Variants in CNTNAP2 observed in about 807,000 individuals in gnomAD.
The protein encoded by CNTNAP2 is contactin associated protein 2, also known as contactin-associated protein-like 2.
Under a neutral mutation model 155.2 loss-of-function variants are expected in CNTNAP2, and 98 were observed. That is an observed-to-expected ratio of 0.63 (90% CI 0.54 to 0.75). CNTNAP2 has a LOEUF of 0.75. CNTNAP2 is among the 30% of genes least tolerant of loss of function. CNTNAP2 has a pLI of 0.00. For missense variants in CNTNAP2, 1,727 were observed against 1,688.1 expected, an observed-to-expected ratio of 1.02 and a Z score of -0.40; for synonymous variants, 651 against 631.2, an observed-to-expected ratio of 1.03 and a Z score of -0.47.
chr7:147,924,392 G>C (rs1800346310), intron 14 of CNTNAP2, among the ~76,000 whole-genome samples: 1 of 152,020 alleles, frequency 6.6e-6, no homozygotes, highest in African/African-American at 2.4e-5. Context: ...GCCTGCCTTG[G>C]CTTCCCAAAA....
chr7:146,913,277 A>G (rs1796326747), intron 3 of CNTNAP2, among the ~76,000 whole-genome samples: 2 of 152,142 alleles, frequency 1.3e-5, no homozygotes, highest in African/African-American at 4.8e-5. Context: ...GAATATGGAA[A>G]GAGGATGAGG....
At chr7:146,759,770 G>A (rs1802059727) in intron 1 of CNTNAP2, among the ~76,000 whole-genome samples, 1 of 151,152 alleles carries the variant, frequency 6.6e-6, no homozygotes, top group Non-Finnish European at 1.5e-5. Context: ...TAAATGGATG[G>A]GCATTAGTGC....
chr7:146,492,824 G>A (rs1005254670), intron 1 of CNTNAP2, among the ~76,000 whole-genome samples: 5 of 152,152 alleles, frequency 3.3e-5, no homozygotes, highest in African/African-American at 1.2e-4. Flanking sequence ...TTTTCCTTTT[G>A]TGGCAAAAGC....
chr7:147,367,468 CA>C (rs1259985473), intron 9 of CNTNAP2, among the ~76,000 whole-genome samples: 3 of 151,784 alleles, frequency 2.0e-5, no homozygotes, highest in African/African-American at 7.3e-5. Context: ...ATTGATTCTG[CA>C]AAAGAGAACT....
At chr7:146,712,132 C>G (rs1160525029) in intron 1 of CNTNAP2, among the ~76,000 whole-genome samples, 9 of 119,336 alleles carry the variant, frequency 7.5e-5, no homozygotes, top group Admixed American at 3.3e-4. Flanking sequence ...GTATACATAT[C>G]TTATGTATAC....
chr7:148,025,901 C>A (rs185564329), intron 15 of CNTNAP2, among the ~76,000 whole-genome samples: 1 of 152,114 alleles, frequency 6.6e-6, no homozygotes, highest in African/African-American at 2.4e-5. Context: ...TATTAAGATG[C>A]ATATGTGGCT....
At position 146,958,801 on chromosome 7, in the gene CNTNAP2, G is replaced by A. The variant is rs117991888; in HGVS notation, c.403-85106G>A. Among the ~76,000 whole-genome samples the A allele has an allele frequency of 1.9e-3, 296 of 151,884 alleles. 6 individuals are homozygous for A. The East Asian group carries it at 0.028, about 14-fold the overall frequency. On this transcript the variant is annotated intron_variant, in intron 3 of 23. Coordinates refer to ENST00000361727, the MANE Select transcript of CNTNAP2 (RefSeq NM_014141.6). ...ATATATTGTTGCCTGGCACATAGTA[G>A]GCATCCAATTAAAATTAATTGAATG...
intron 13 of CNTNAP2, among the ~76,000 whole-genome samples, chr7:147,688,159 T>A (rs575877038): frequency 6.6e-6 from 1 of 152,240 alleles, no homozygotes; most frequent in Admixed American, 6.5e-5. Flanking sequence ...TTAAAAAATA[T>A]ATCTTCTTAC....
At chr7:148,209,472 C>G (rs1795507110) in intron 18 of CNTNAP2, among the ~76,000 whole-genome samples, 1 of 152,038 alleles carries the variant, frequency 6.6e-6, no homozygotes. Context: ...CCCAACCCCA[C>G]CAAGATTGCC....
chr7:147,145,927 C>T (rs890977601), intron 8 of CNTNAP2, among the ~76,000 whole-genome samples: 1 of 152,144 alleles, frequency 6.6e-6, no homozygotes, highest in African/African-American at 2.4e-5. Flanking sequence ...TTGTTTTCTA[C>T]AGATGTCAAG....
At chr7:147,013,008 G>C (rs1016912075) in intron 3 of CNTNAP2, among the ~76,000 whole-genome samples, 10 of 151,980 alleles carry the variant, frequency 6.6e-5, no homozygotes, top group African/African-American at 9.7e-5. Flanking sequence ...ATTTACCAAA[G>C]TTCTTTTAAA....
At chr7:147,717,021 T>C (rs1796489966) in intron 13 of CNTNAP2, among the ~76,000 whole-genome samples, 1 of 152,130 alleles carries the variant, frequency 6.6e-6, no homozygotes, top group African/African-American at 2.4e-5. Flanking sequence ...AACAATCTTC[T>C]TGGTATGTTT....
At chr7:147,801,333 T>TTTTTA (rs1797981200) in intron 13 of CNTNAP2, among the ~76,000 whole-genome samples, 3 of 140,052 alleles carry the variant, frequency 2.1e-5, no homozygotes, top group African/African-American at 8.5e-5. Flanking sequence ...TTTAATTTTT[T>TTTTTA]TTTTTTTTTA....
chr7:146,861,756 A>G (rs1463060490), intron 3 of CNTNAP2, among the ~76,000 whole-genome samples: 2 of 152,182 alleles, frequency 1.3e-5, no homozygotes, highest in Admixed American at 1.3e-4. Context: ...ACATCGCTTC[A>G]TCTGACTACA....
chr7:147,634,793 A>G (rs74878031), intron 12 of CNTNAP2, among the ~76,000 whole-genome samples: 3,890 of 152,224 alleles, frequency 0.026, 254 homozygotes, highest in Admixed American at 0.15. Flanking sequence ...AAATCCTCCA[A>G]TGCCAACAGT....
intron 4 of CNTNAP2, among the ~76,000 whole-genome samples, chr7:147,087,930 T>C (rs890166361): frequency 1.3e-5 from 2 of 152,146 alleles, no homozygotes; most frequent in Non-Finnish European, 2.9e-5. Flanking sequence ...TAGGCCGAGA[T>C]TGTGCCACTG....
chr7:146,756,205 GT>G, intron 1 of CNTNAP2, among the ~76,000 whole-genome samples: 1 of 151,832 alleles, frequency 6.6e-6, no homozygotes, highest in Non-Finnish European at 1.5e-5. Context: ...AGTGTCTCTT[GT>G]TTTAACTAAG....
intron 3 of CNTNAP2, among the ~76,000 whole-genome samples, chr7:146,855,728 T>G (rs1794967185): frequency 6.7e-6 from 1 of 149,086 alleles, no homozygotes; most frequent in Admixed American, 6.7e-5. Flanking sequence ...GTTCTCACCA[T>G]GAAGGAAATA....
At chr7:147,056,530 C>T (rs953070597) in intron 4 of CNTNAP2, among the ~76,000 whole-genome samples, 8 of 152,122 alleles carry the variant, frequency 5.3e-5, no homozygotes, top group East Asian at 1.9e-4. Flanking sequence ...TTAACAGCCT[C>T]GGTCATTAAT....
Sources: allele counts gnomAD v4.1 joint callset (sites outside exome capture counted in the v4.1 genomes callset), GRCh38; gene constraint gnomAD v4.1.1; transcripts MANE v1.5; gene names NCBI Gene and HGNC (gene_info 2026-07-23, HGNC 2026-07-21).